PCAT7: variants seen among roughly 807,000 people sequenced by gnomAD.
PCAT7 encodes prostate cancer associated transcript 7 (non-protein coding).
chr9:94,562,563 A>C (rs1025911317), intron 2 of PCAT7, among the ~76,000 whole-genome samples: 3 of 152,152 alleles, frequency 2.0e-5, no homozygotes, highest in Non-Finnish European at 2.9e-5. Context: ...TTAGCATTCG[A>C]ATAATTCAAA....
exon 1 of PCAT7, chr9:94,555,199 C>T (rs779987761): frequency 5.9e-5 from 9 of 151,872 alleles, no homozygotes; most frequent in Non-Finnish European, 1.3e-4. Context: ...GCTTAGAAGA[C>T]CAGGAAAAGG....
At chr9:94,571,412 A>G in intron 2 of PCAT7, 1 of 1,518,220 alleles carries the variant, frequency 6.6e-7, no homozygotes, top group Non-Finnish European at 8.9e-7. Flanking sequence ...ATTAAGGCAC[A>G]GAGGCCCATG....
At chr9:94,559,424 T>C (rs1827060585) in intron 2 of PCAT7, among the ~76,000 whole-genome samples, 1 of 152,130 alleles carries the variant, frequency 6.6e-6, no homozygotes, top group South Asian at 2.1e-4. Flanking sequence ...GACTTGGAAA[T>C]ATGAGATCTA....
intron 2 of PCAT7, chr9:94,563,512 C>T (rs761102405): frequency 6.3e-7 from 1 of 1,587,274 alleles, no homozygotes; most frequent in Admixed American, 1.7e-5. Context: ...CAGGATTAGC[C>T]AGCACCTGCT....
At chr9:94,556,224 T>C (rs916744844) in intron 1 of PCAT7, among the ~76,000 whole-genome samples, 3 of 144,244 alleles carry the variant, frequency 2.1e-5, no homozygotes, top group African/African-American at 7.9e-5. Flanking sequence ...TGTTTTTGCT[T>C]ATATGAAGGA....
At chr9:94,570,014 A>G (rs1204604668) in intron 2 of PCAT7, 1 of 152,208 alleles carries the variant, frequency 6.6e-6, no homozygotes, top group African/African-American at 2.4e-5. Context: ...TGTCCTTTTT[A>G]GTAGGGAGAT....
rs1827141993 is a variant in PCAT7 at position 94,563,576 on chromosome 9, C to T, written n.441+4424C>T. ...TCTGCCTTCTTGAATCCCTATCCTC[C>T]ACCCACTAGTGTAGGAATTGAAAAG... On this transcript the variant is annotated intron_variant and non_coding_transcript_variant, in intron 2 of 8. Coordinates refer to ENST00000647389, the Ensembl canonical transcript of PCAT7. The T allele has an allele frequency of 8.9e-6, 10 of 1,119,980 alleles. No homozygotes were observed. In the South Asian group the frequency reaches 1.2e-4, roughly 13 times the overall value. The allele number at this position is 1,119,980 out of a possible 1,614,324, so 69.4% of individuals were successfully genotyped here.
At chr9:94,563,373 T>A (rs1417658947) in intron 2 of PCAT7, 2 of 1,614,054 alleles carry the variant, frequency 1.2e-6, no homozygotes, top group Admixed American at 1.7e-5. Context: ...GTTGGCTGGG[T>A]ACAGGAAGAT....
At chr9:94,564,755 C>A (rs1827161761) in intron 2 of PCAT7, among the ~76,000 whole-genome samples, 1 of 152,160 alleles carries the variant, frequency 6.6e-6, no homozygotes, top group East Asian at 1.9e-4. Context: ...ACAGCAAACC[C>A]CCATGACAGG....
chr9:94,573,153 T>C (rs979583241), intron 3 of PCAT7: 5 of 152,364 alleles, frequency 3.3e-5, no homozygotes, highest in African/African-American at 1.2e-4. Flanking sequence ...GCTTTGTTAC[T>C]GATCTTAGAG....
At chr9:94,563,314 G>A (rs1163598696) in intron 2 of PCAT7, 5 of 1,611,244 alleles carry the variant, frequency 3.1e-6, no homozygotes, top group Non-Finnish European at 3.4e-6. Context: ...CTGACCGGAT[G>A]CACAGCCAGT....
chr9:94,561,573 G>A (rs1437340760), intron 2 of PCAT7, among the ~76,000 whole-genome samples: 1 of 151,994 alleles, frequency 6.6e-6, no homozygotes, highest in Non-Finnish European at 1.5e-5. Context: ...CACTGTGTTA[G>A]CCAGGATGGT....
chr9:94,572,570 A>T (rs1827280916), intron 2 of PCAT7, among the ~76,000 whole-genome samples: 1 of 152,166 alleles, frequency 6.6e-6, no homozygotes, highest in Admixed American at 6.5e-5. Flanking sequence ...ACACATTTTC[A>T]TTCACGGGCT....
At chr9:94,573,533 T>C (rs1827289654) in intron 3 of PCAT7, among the ~76,000 whole-genome samples, 1 of 152,168 alleles carries the variant, frequency 6.6e-6, no homozygotes, top group Non-Finnish European at 1.5e-5. Context: ...TTTTAAATAA[T>C]GAATGAGTGT....
At chr9:94,566,863 C>T (rs1237499253) in intron 2 of PCAT7, among the ~76,000 whole-genome samples, 1 of 152,178 alleles carries the variant, frequency 6.6e-6, no homozygotes, top group African/African-American at 2.4e-5. Context: ...TTTCTAATCT[C>T]TTTTAATTTC....
upstream of PCAT7, among the ~76,000 whole-genome samples, chr9:94,554,805 C>T (rs1826980197): frequency 6.6e-6 from 1 of 152,216 alleles, no homozygotes; most frequent in Non-Finnish European, 1.5e-5. Flanking sequence ...CTCCAGGCTC[C>T]AGGGGGCGAA....
intron 2 of PCAT7, chr9:94,568,179 A>G (rs992017039): frequency 2.6e-5 from 4 of 152,114 alleles, no homozygotes; most frequent in Admixed American, 1.3e-4. Flanking sequence ...TAGTGATTCA[A>G]TCATAGAAAC....
At chr9:94,559,529 A>G (rs1249226157) in intron 2 of PCAT7, among the ~76,000 whole-genome samples, 3 of 152,188 alleles carry the variant, frequency 2.0e-5, no homozygotes, top group Non-Finnish European at 2.9e-5. Context: ...TAAAGAGTCA[A>G]GCTTGGATGG....
chr9:94,562,608 C>T (rs1827125562), intron 2 of PCAT7, among the ~76,000 whole-genome samples: 2 of 152,106 alleles, frequency 1.3e-5, no homozygotes, highest in South Asian at 2.1e-4. Flanking sequence ...AAAAATGTGT[C>T]GCTGGTTGTT....
Sources: allele counts gnomAD v4.1 joint callset (sites outside exome capture counted in the v4.1 genomes callset), GRCh38; gene constraint gnomAD v4.1.1; transcripts MANE v1.5; gene names NCBI Gene and HGNC (gene_info 2026-07-23, HGNC 2026-07-21).